Variants in CPEB3 observed in about 807,000 individuals in gnomAD.
CPEB3 encodes the protein cytoplasmic polyadenylation element-binding protein 3.
In CPEB3, 20 loss-of-function variants were observed where a neutral mutation model predicts 67.2. That is an observed-to-expected ratio of 0.30 (90% confidence interval 0.21 to 0.43). The LOEUF (loss-of-function observed/expected upper bound fraction) is 0.43. Ranked by LOEUF, CPEB3 falls within the 20% of genes least tolerant of loss-of-function variation. The probability of loss-of-function intolerance (pLI) is 1.00; values close to 1 mark genes in which losing one functional copy is unlikely to be tolerated. For missense variants in CPEB3, 746 were observed against 968.6 expected (o/e 0.77, Z 3.05); for synonymous variants, 376 against 393.1 (o/e 0.96, Z 0.51).
chr10:92,224,908 T>G (rs1050492865), intron 2 of CPEB3, among the ~76,000 whole-genome samples: 42 of 147,770 alleles, frequency 2.8e-4, no homozygotes, highest in Non-Finnish European at 5.1e-4. Context: ...TATATATATT[T>G]TATATATTTA....
intron 1 of CPEB3, among the ~76,000 whole-genome samples, chr10:92,265,786 TTTTC>T (rs1378398008): frequency 6.0e-5 from 9 of 150,352 alleles, no homozygotes; most frequent in African/African-American, 1.7e-4. Flanking sequence ...ATGAAAAAAG[TTTTC>T]TTTTTTTTTT....
chr10:92,162,609 G>A (rs116580827), intron 4 of CPEB3, among the ~76,000 whole-genome samples: 2,218 of 152,202 alleles, frequency 0.015, 56 homozygotes, highest in African/African-American at 0.05. Context: ...AATGGTACAT[G>A]TATTTTACAG....
chr10:92,143,151 G>A (rs1177657862), intron 5 of CPEB3, 33 bp from the exon 6 acceptor site: 2 of 1,525,112 alleles, frequency 1.3e-6, no homozygotes, highest in South Asian at 2.3e-5. Flanking sequence ...TAGCAAAAGA[G>A]AAAAAAATAT....
chr10:92,188,039 T>C (rs1430593554), intron 3 of CPEB3, among the ~76,000 whole-genome samples: 2 of 151,180 alleles, frequency 1.3e-5, no homozygotes, highest in African/African-American at 2.4e-5. Context: ...CTACAGCAAA[T>C]AGAAAAAATC....
At chr10:92,057,273 C>A (rs914693872) in intron 9 of CPEB3, among the ~76,000 whole-genome samples, 7 of 152,178 alleles carry the variant, frequency 4.6e-5, no homozygotes, top group Admixed American at 4.6e-4. Flanking sequence ...GTACTTACCA[C>A]GAGCTGACTT....
rs531903917 is a variant in CPEB3, at chr10:92,096,724, A to G, written c.1573-4780T>C. On this transcript the variant is annotated intron_variant, in intron 7 of 9. Coordinates refer to ENST00000265997, the MANE Select transcript of CPEB3 (RefSeq NM_014912.5). ...TTTGGGAGGCCAAGGTGGGCAGATC[A>G]TTTGAGGTCAGGAGTTCGACACCAG... Among the ~76,000 whole-genome samples the G allele has an allele frequency of 3.3e-5, 5 of 152,276 alleles. No individual in the cohort carries two copies. The South Asian group carries it at 1.0e-3, about 32-fold the overall frequency.
chr10:92,074,818 G>A (rs1842878763), intron 9 of CPEB3, among the ~76,000 whole-genome samples: 1 of 152,214 alleles, frequency 6.6e-6, no homozygotes, highest in Non-Finnish European at 1.5e-5. Flanking sequence ...TCTCGTTGCT[G>A]TGTAAAAAAT....
At chr10:92,252,919 C>T (rs1852359715) in intron 1 of CPEB3, among the ~76,000 whole-genome samples, 1 of 149,004 alleles carries the variant, frequency 6.7e-6, no homozygotes, top group Admixed American at 6.8e-5. Flanking sequence ...TATATGATTC[C>T]ACTTAAAGTT....
intron 7 of CPEB3, among the ~76,000 whole-genome samples, chr10:92,107,366 G>T (rs1844524628): frequency 6.6e-6 from 1 of 152,122 alleles, no homozygotes; most frequent in African/African-American, 2.4e-5. Context: ...AAATCATAAG[G>T]AGCAGGAAGC....
intron 2 of CPEB3, among the ~76,000 whole-genome samples, chr10:92,232,178 G>A (rs544984162): frequency 4.7e-5 from 7 of 148,748 alleles, no homozygotes; most frequent in Admixed American, 3.4e-4. Context: ...TCAACCTCCC[G>A]AGTAGCTGGG....
At chr10:92,098,015 G>C (rs193295888) in intron 7 of CPEB3, among the ~76,000 whole-genome samples, 1 of 151,606 alleles carries the variant, frequency 6.6e-6, no homozygotes, top group East Asian at 2.0e-4. Context: ...TACAGAATCA[G>C]TCAGGCATGG....
At chr10:92,137,405 A>T (rs965067452) in intron 6 of CPEB3, 6 of 1,108,888 alleles carry the variant, frequency 5.4e-6, no homozygotes, top group Non-Finnish European at 7.7e-6. Flanking sequence ...GACGAAGCTG[A>T]TGAAATGTTA....
intron 6 of CPEB3, among the ~76,000 whole-genome samples, chr10:92,141,669 A>T (rs1846430224): frequency 6.6e-6 from 1 of 150,808 alleles, no homozygotes; most frequent in South Asian, 2.1e-4. Flanking sequence ...TTGAAATAAA[A>T]ATAATAACTG....
At chr10:92,062,039 T>C (rs921519574) in intron 9 of CPEB3, among the ~76,000 whole-genome samples, 1 of 152,080 alleles carries the variant, frequency 6.6e-6, no homozygotes, top group African/African-American at 2.4e-5. Flanking sequence ...GTCAGGAGTT[T>C]GAGACCAGTC....
intron 1 of CPEB3, among the ~76,000 whole-genome samples, chr10:92,263,196 C>A (rs1317724383): frequency 1.3e-5 from 2 of 152,186 alleles, no homozygotes; most frequent in Non-Finnish European, 2.9e-5. Context: ...ACGCCTCAGC[C>A]CCAGGAGTAG....
rs1334728664 is a variant in CPEB3, at chr10:92,250,722, C to T, written c.-11-10361G>A. ...TTGTTTGTTTTGAGACAGAGTCTCA[C>T]TCTGTTGCCCAGGCTGGAGTGCAGT... On this transcript the variant is annotated intron_variant, in intron 1 of 9. Transcript: ENST00000265997. Among the ~76,000 whole-genome samples, 4 of 152,076 alleles carry T rather than the reference C, an allele frequency of 2.6e-5. No homozygotes were observed. The South Asian group carries it at 6.2e-4, about 24-fold the overall frequency.
chr10:92,283,722 CTTTTTTTT>C (rs869248048), intron 1 of CPEB3, among the ~76,000 whole-genome samples: 1 of 108,952 alleles, frequency 9.2e-6, no homozygotes, highest in Non-Finnish European at 1.9e-5. Flanking sequence ...CTTTTTCTTT[CTTTTTTTT>C]TTTTTTTTTT....
At chr10:92,123,305 G>T (rs1230546177) in intron 6 of CPEB3, among the ~76,000 whole-genome samples, 1 of 152,186 alleles carries the variant, frequency 6.6e-6, no homozygotes, top group Non-Finnish European at 1.5e-5. Flanking sequence ...CAAGGAAACT[G>T]AGACCAGACT....
At chr10:92,208,866 A>T (rs551540004) in intron 2 of CPEB3, among the ~76,000 whole-genome samples, 1 of 152,252 alleles carries the variant, frequency 6.6e-6, no homozygotes, top group Non-Finnish European at 1.5e-5. Context: ...AAGTGCTGAG[A>T]TTACAGGGCA....
Sources: allele counts gnomAD v4.1 joint callset (sites outside exome capture counted in the v4.1 genomes callset), GRCh38; gene constraint gnomAD v4.1.1; transcripts MANE v1.5; gene names NCBI Gene and HGNC (gene_info 2026-07-23, HGNC 2026-07-21).